The following ADAM22 variants were observed in gnomAD, a reference collection of about 807,000 sequenced individuals.
The protein encoded by ADAM22 is disintegrin and metalloproteinase domain-containing protein 22.
In ADAM22, 65 loss-of-function variants were observed where a neutral mutation model predicts 144.6. The ratio of observed to expected loss-of-function variants is 0.45; its 90% confidence interval spans 0.37 to 0.55. The LOEUF (loss-of-function observed/expected upper bound fraction) is 0.55. Among genes scored for constraint, ADAM22 ranks in the 20% least tolerant of loss-of-function variants. ADAM22 has a pLI of 0.00. For missense variants in ADAM22, 974 were observed against 1,184.9 expected, an observed-to-expected ratio of 0.82 and a Z score of 2.61; for synonymous variants, 391 against 412.6, an observed-to-expected ratio of 0.95 and a Z score of 0.63.
In ADAM22 at chr7:88,200,235, CCATA is replaced by C. The variant is rs554385291; in HGVS notation, c.*3745_*3748del. ...ATTTCCTATTGTCGTATAGTTCTAA[CCATA>C]TATATAGTACTTTAAATATTTTCTT... On this transcript the variant is annotated 3_prime_UTR_variant, in exon 32 of 32. Transcript: ENST00000413139. 9 of 152,134 alleles carry C rather than the reference CCATA, an allele frequency of 5.9e-5. No homozygotes were observed. In the South Asian group the frequency reaches 1.9e-3, roughly 32 times the overall value. 9.4% of individuals were successfully genotyped at this position (152,134 alleles called of 1,614,324 possible).
rs1562787448 is a variant in ADAM22, at chr7:87,935,048, A to G, written c.108A>G (p.Leu36=). The change falls in exon 2 of 32, where the codon CTA becomes CTG. Residue 36 remains leucine (L), a synonymous_variant. Coordinates refer to ENST00000413139, the MANE Select transcript of ADAM22 (RefSeq NM_001324418.2). ...GAGGAGACGCCTCATTGATGGAGCT[A>G]GAGAAGAGGAAGGAAAACCGCTTCG... The part of the protein sequence containing the change: ...GQAGDASLME[L]EKRKENRFVE... The G allele has an allele frequency of 6.2e-7, 1 of 1,614,026 alleles. No homozygotes were observed. The highest frequency in any genetic ancestry group is 8.5e-7 in the Non-Finnish European group (1 of 1,180,032).
chr7:88,138,946 C>G (rs141675308), intron 14 of ADAM22, among the ~76,000 whole-genome samples: 2 of 152,340 alleles, frequency 1.3e-5, no homozygotes, highest in African/African-American at 4.8e-5. Context: ...AGCTTCCTCC[C>G]AGCTCTGCAG....
chr7:87,944,203 A>T (rs1403038063), intron 2 of ADAM22, among the ~76,000 whole-genome samples: 1 of 151,508 alleles, frequency 6.6e-6, no homozygotes, highest in Non-Finnish European at 1.5e-5. Context: ...CATTTCCTCC[A>T]CTAGTGAGGT....
At chr7:88,109,234 A>G (rs1435463090) in intron 5 of ADAM22, among the ~76,000 whole-genome samples, 1 of 152,138 alleles carries the variant, frequency 6.6e-6, no homozygotes, top group Non-Finnish European at 1.5e-5. Flanking sequence ...TCCGAGGAAC[A>G]AAGTTCATCC....
intron 3 of ADAM22, among the ~76,000 whole-genome samples, chr7:88,054,931 C>T (rs772862382): frequency 5.9e-5 from 9 of 151,748 alleles, no homozygotes; most frequent in Non-Finnish European, 8.8e-5. Context: ...TTCAACAATT[C>T]GTTGTTTTAA....
chr7:88,053,380 G>A (rs1207391961), intron 3 of ADAM22, among the ~76,000 whole-genome samples: 2 of 151,590 alleles, frequency 1.3e-5, no homozygotes, highest in African/African-American at 2.4e-5. Context: ...GAGGTGGGAG[G>A]GTCACTTGAG....
Position 88,113,699 on chromosome 7 carries a change from AATAAATATAT to A in ADAM22, c.474-881_474-872del, listed in dbSNP as rs1338754201. Among the ~76,000 whole-genome samples the A allele has an allele frequency of 2.9e-3, 113 of 39,464 alleles. 2 individuals are homozygous for A. Among genetic ancestry groups the A allele is most frequent in the African/African-American group, 9.9e-3 (88 of 8,870 alleles). 25.9% of individuals were successfully genotyped at this position (39,464 alleles called of 152,430 possible). ...ATAATATATATATTATAAATAAATA[AATAAATATAT>A]ATATATATATATATATATATATATA... On this transcript the variant is annotated intron_variant, in intron 5 of 31. Coordinates refer to ENST00000413139, the MANE Select transcript of ADAM22 (RefSeq NM_001324418.2).
intron 2 of ADAM22, among the ~76,000 whole-genome samples, chr7:87,952,404 T>C (rs1031602371): frequency 1.3e-5 from 2 of 152,242 alleles, no homozygotes; most frequent in African/African-American, 4.8e-5. Flanking sequence ...GATAATCATA[T>C]GGTTTTTGTC....
intron 2 of ADAM22, among the ~76,000 whole-genome samples, chr7:87,942,758 A>G (rs1472471368): frequency 6.6e-6 from 1 of 152,154 alleles, no homozygotes; most frequent in East Asian, 1.9e-4. Context: ...TCTCTGTTAC[A>G]CTCGTTCATC....
Position 88,128,683 on chromosome 7 carries a change from T to A in ADAM22, c.753+7T>A. ...TGTGAATGATCACCTTATGGTAGGA[T>A]TTGCTGTTGTTTTTAAGCCTGTTTG... On this transcript the variant is annotated splice_region_variant and intron_variant, in intron 9 of 31. Transcript: ENST00000413139. 6.2e-7 allele frequency: 1 copy of A among 1,609,474 alleles called. No homozygotes were observed. The highest frequency in any genetic ancestry group is 8.5e-7 in the Non-Finnish European group (1 of 1,176,934).
intron 2 of ADAM22, among the ~76,000 whole-genome samples, chr7:87,968,522 C>T (rs142890621): frequency 1.1e-3 from 170 of 152,120 alleles, no homozygotes; most frequent in African/African-American, 3.8e-3. Flanking sequence ...GCACTCCAGC[C>T]TGGGCAACAC....
intron 13 of ADAM22, among the ~76,000 whole-genome samples, chr7:88,135,105 C>G (rs997743751): frequency 2.5e-4 from 38 of 151,678 alleles, no homozygotes; most frequent in African/African-American, 7.5e-4. Context: ...TGGTGAAACC[C>G]TGTCTATACT....
chr7:88,067,298 A>C (rs1455287130), intron 3 of ADAM22, among the ~76,000 whole-genome samples: 1 of 150,464 alleles, frequency 6.6e-6, no homozygotes, highest in Non-Finnish European at 1.5e-5. Context: ...CACAATGTGC[A>C]GGTTAGTTAC....
intron 27 of ADAM22, among the ~76,000 whole-genome samples, chr7:88,179,524 C>G (rs1053719891): frequency 3.3e-5 from 5 of 151,984 alleles, no homozygotes; most frequent in Non-Finnish European, 7.4e-5. Context: ...GATTGCTTCT[C>G]TGTGAATCAT....
Position 88,034,731 on chromosome 7 carries a change from C to A in ADAM22, c.324-40895C>A, listed in dbSNP as rs530491752. ...TCTGACCACTAGGATGGTCGATTCC[C>A]CTTTGGCTAGGGCTCATTTAAATGC... On this transcript the variant is annotated intron_variant, in intron 3 of 31. Transcript: ENST00000413139. Among the ~76,000 whole-genome samples the A allele has an allele frequency of 1.8e-3, 281 of 152,268 alleles. 2 individuals are homozygous for A. Among genetic ancestry groups the A allele is most frequent in the African/African-American group, 6.6e-3 (273 of 41,546 alleles).
At chr7:88,060,100 A>G (rs990328516) in intron 3 of ADAM22, among the ~76,000 whole-genome samples, 2 of 152,214 alleles carry the variant, frequency 1.3e-5, no homozygotes, top group Non-Finnish European at 2.9e-5. Context: ...ATTAAAAAAT[A>G]CTTTACTGCT....
intron 5 of ADAM22, among the ~76,000 whole-genome samples, chr7:88,112,516 C>T (rs1431364571): frequency 6.6e-6 from 1 of 152,132 alleles, no homozygotes; most frequent in African/African-American, 2.4e-5. Flanking sequence ...CCCTCAGATG[C>T]CTGAATGATA....
At chr7:88,006,548 C>A (rs972785983) in intron 3 of ADAM22, among the ~76,000 whole-genome samples, 6 of 151,492 alleles carry the variant, frequency 4.0e-5, no homozygotes, top group Non-Finnish European at 7.4e-5. Flanking sequence ...AAAAGCTTAT[C>A]CACCATGATC....
intron 26 of ADAM22, among the ~76,000 whole-genome samples, chr7:88,177,033 G>C (rs979988664): frequency 1.3e-5 from 2 of 152,138 alleles, no homozygotes; most frequent in African/African-American, 2.4e-5. Context: ...CCATAGTGCT[G>C]GGATTACAGG....
Sources: gnomAD v4.1 joint callset for allele counts (sites outside exome capture counted in the v4.1 genomes callset) on GRCh38, gnomAD v4.1.1 for gene constraint, MANE v1.5 for transcripts, NCBI Gene and HGNC (gene_info 2026-07-23, HGNC 2026-07-21) for gene names.